Variants in FBXL20 observed in about 807,000 individuals in gnomAD.
FBXL20 encodes F-box/LRR-repeat protein 20.
Under a neutral mutation model 64.0 loss-of-function variants are expected in FBXL20, and 11 were observed. The ratio of observed to expected loss-of-function variants is 0.17; its 90% CI spans 0.11 to 0.28. FBXL20 has a LOEUF of 0.28. Among genes scored for constraint, FBXL20 ranks in the 10% least tolerant of loss-of-function variants. The probability of loss-of-function intolerance (pLI) is 1.00; values close to 1 mark genes in which losing one functional copy is unlikely to be tolerated. For synonymous variants in FBXL20, 184 were observed against 189.0 expected (o/e 0.97, Z 0.22); for missense variants, 303 against 526.2 (o/e 0.58, Z 4.15).
chr17:39,375,481 C>T (rs947462771), intron 1 of FBXL20, among the ~76,000 whole-genome samples: 17 of 152,088 alleles, frequency 1.1e-4, no homozygotes, highest in Non-Finnish European at 2.5e-4. Flanking sequence ...CATAGCAGAA[C>T]AGGATGACTA....
At chr17:39,370,082 G>C (rs1037920979) in intron 1 of FBXL20, among the ~76,000 whole-genome samples, 1 of 151,678 alleles carries the variant, frequency 6.6e-6, no homozygotes, top group Non-Finnish European at 1.5e-5. Flanking sequence ...GTGCCCTCTA[G>C]CCTGGACAAC....
At chr17:39,306,565 T>C (rs534927153) in intron 2 of FBXL20, among the ~76,000 whole-genome samples, 3 of 152,302 alleles carry the variant, frequency 2.0e-5, no homozygotes, top group African/African-American at 7.2e-5. Flanking sequence ...CATTTGACCA[T>C]ATATGTGAAG....
intron 6 of FBXL20, among the ~76,000 whole-genome samples, chr17:39,293,060 T>C (rs1159105616): frequency 6.6e-6 from 1 of 152,050 alleles, no homozygotes; most frequent in Non-Finnish European, 1.5e-5. Flanking sequence ...CCCAAAGTGC[T>C]GGGATTACAG....
intron 6 of FBXL20, among the ~76,000 whole-genome samples, chr17:39,290,412 T>C (rs764147700): frequency 6.6e-6 from 1 of 152,156 alleles, no homozygotes; most frequent in Non-Finnish European, 1.5e-5. Context: ...CCAGTACATG[T>C]TGAACAGCTG....
Position 39,316,757 on chromosome 17 carries a change from G to A in FBXL20, c.105-13118C>T, listed in dbSNP as rs111826875. Among the ~76,000 whole-genome samples the A allele has an allele frequency of 3.4e-3, 514 of 152,344 alleles. 1 individual carries two copies. The highest frequency in any genetic ancestry group is 5.5e-3 in the Non-Finnish European group (377 of 68,030). On this transcript the variant is annotated intron_variant, in intron 2 of 14. Coordinates refer to ENST00000264658, the MANE Select transcript of FBXL20 (RefSeq NM_032875.3). Reference sequence around the variant, plus strand: ...TCCAAGCACTTTGGGAGGCCAAGGCGGGGGTGGGCCACCTGAGGTCAGGAG... The same window carrying A: ...TCCAAGCACTTTGGGAGGCCAAGGCAGGGGTGGGCCACCTGAGGTCAGGAG...
intron 5 of FBXL20, among the ~76,000 whole-genome samples, chr17:39,297,682 C>T (rs2047098560): frequency 6.6e-6 from 1 of 152,042 alleles, no homozygotes; most frequent in Non-Finnish European, 1.5e-5. Flanking sequence ...CTTCATATTC[C>T]TTCTACCTCA....
intron 1 of FBXL20, among the ~76,000 whole-genome samples, chr17:39,379,485 C>A (rs1036503596): frequency 2.5e-4 from 32 of 127,054 alleles, no homozygotes; most frequent in African/African-American, 4.4e-4. Context: ...CATCCCTTAC[C>A]AAAAAAAAAA....
At chr17:39,401,038 T>C (rs550250057) in intron 1 of FBXL20, among the ~76,000 whole-genome samples, 67 of 152,218 alleles carry the variant, frequency 4.4e-4, no homozygotes, top group African/African-American at 1.6e-3. Context: ...CCGTGATGGC[T>C]GGGTGGAAGG....
intron 1 of FBXL20, among the ~76,000 whole-genome samples, chr17:39,363,145 G>C (rs1173008047): frequency 6.6e-6 from 1 of 151,702 alleles, no homozygotes; most frequent in Non-Finnish European, 1.5e-5. Context: ...AGGGAGGCTG[G>C]GATTACAGGC....
At chr17:39,346,794 T>C (rs1205997146) in intron 1 of FBXL20, among the ~76,000 whole-genome samples, 2 of 152,066 alleles carry the variant, frequency 1.3e-5, no homozygotes, top group East Asian at 1.9e-4. Context: ...CTGCACCCGT[T>C]AACTCGTCAT....
chr17:39,287,805 A>G (rs975004303), intron 6 of FBXL20, among the ~76,000 whole-genome samples: 23 of 152,204 alleles, frequency 1.5e-4, no homozygotes, highest in Admixed American at 9.2e-4. Context: ...TGTTTCCCAA[A>G]TTGGCCGTAC....
intron 11 of FBXL20, among the ~76,000 whole-genome samples, chr17:39,269,812 C>G (rs1286345706): frequency 1.3e-5 from 2 of 152,124 alleles, no homozygotes; most frequent in Admixed American, 6.5e-5. Flanking sequence ...GTATTTCTTA[C>G]AGAGATGAAA....
chr17:39,334,565 C>T (rs2047501814), intron 2 of FBXL20, among the ~76,000 whole-genome samples: 1 of 151,758 alleles, frequency 6.6e-6, no homozygotes, highest in East Asian at 1.9e-4. Flanking sequence ...TACCCACTTA[C>T]AGAGGATATA....
chr17:39,262,790 A>AGGTC (rs2046758430), intron 14 of FBXL20, among the ~76,000 whole-genome samples: 1 of 150,412 alleles, frequency 6.6e-6, no homozygotes, highest in Non-Finnish European at 1.5e-5. Context: ...CGAGGTCAGG[A>AGGTC]GGTCGAGACC....
chr17:39,391,716 A>C (rs1050094991), intron 1 of FBXL20, among the ~76,000 whole-genome samples: 14 of 152,228 alleles, frequency 9.2e-5, no homozygotes, highest in African/African-American at 3.4e-4. Flanking sequence ...TGGTTCCAAA[A>C]AACAAGATGA....
At chr17:39,265,367 A>T in intron 13 of FBXL20, 30 bp downstream of exon 13, 1 of 1,572,784 alleles carries the variant, frequency 6.4e-7, no homozygotes. Context: ...AAACCCAGTA[A>T]ACACATAAAG....
chr17:39,341,184 T>A (rs2047579720), intron 2 of FBXL20, among the ~76,000 whole-genome samples: 1 of 152,152 alleles, frequency 6.6e-6, no homozygotes, highest in African/African-American at 2.4e-5. Flanking sequence ...TCATTTGGCC[T>A]CCAATTTAGG....
intron 6 of FBXL20, among the ~76,000 whole-genome samples, chr17:39,296,436 T>G (rs1286845498): frequency 1.3e-5 from 2 of 151,772 alleles, no homozygotes; most frequent in Non-Finnish European, 2.9e-5. Context: ...GGCACGTGCC[T>G]GTAGTCCCAG....
At chr17:39,332,175 G>A (rs1195199390) in intron 2 of FBXL20, among the ~76,000 whole-genome samples, 1 of 152,194 alleles carries the variant, frequency 6.6e-6, no homozygotes, top group African/African-American at 2.4e-5. Flanking sequence ...AATTTAAACC[G>A]AAGGAGAGGC....
Sources: gnomAD v4.1 joint callset for allele counts (sites outside exome capture counted in the v4.1 genomes callset) on GRCh38, gnomAD v4.1.1 for gene constraint, MANE v1.5 for transcripts, NCBI Gene and HGNC (gene_info 2026-07-23, HGNC 2026-07-21) for gene names.